Variants in TBC1D5 observed in about 807,000 individuals in gnomAD.
TBC1D5 encodes TBC1 domain family member 5.
In TBC1D5, 75 loss-of-function variants were observed where a neutral mutation model predicts 100.3. The observed-to-expected ratio is 0.75, with a 90% confidence interval of 0.62 to 0.91. The LOEUF (loss-of-function observed/expected upper bound fraction) is 0.91, where lower values mean the gene tolerates loss of function less well. Ranked by LOEUF, TBC1D5 falls within the 40% of genes least tolerant of loss-of-function variation. The pLI is 0.00. For missense variants in TBC1D5, 910 were observed against 942.4 expected (o/e 0.97, Z 0.45); for synonymous variants, 323 against 325.6 (o/e 0.99, Z 0.09).
chr3:17,198,638 A>G (rs2071039197), intron 18 of TBC1D5, among the ~76,000 whole-genome samples: 1 of 152,154 alleles, frequency 6.6e-6, no homozygotes, highest in Admixed American at 6.5e-5. Context: ...ATGTTGGTGA[A>G]TGGATATGGT....
chr3:17,407,930 T>C (rs2093816715), intron 4 of TBC1D5, among the ~76,000 whole-genome samples: 1 of 152,154 alleles, frequency 6.6e-6, no homozygotes, highest in African/African-American at 2.4e-5. Flanking sequence ...TTACTTTAAT[T>C]TGTACTATTA....
intron 21 of TBC1D5, among the ~76,000 whole-genome samples, chr3:17,165,145 C>T (rs1189452184): frequency 2.0e-5 from 3 of 152,176 alleles, no homozygotes; most frequent in Non-Finnish European, 4.4e-5. Context: ...GCAGACACAT[C>T]TCATGGCTAG....
chr3:17,465,867 A>C lies in TBC1D5; in HGVS notation c.98-37348T>G, dbSNP rs114589945. Among the ~76,000 whole-genome samples, 552 of 152,380 alleles carry C rather than the reference A, an allele frequency of 3.6e-3. 2 individuals are homozygous for C. Among genetic ancestry groups the C allele is most frequent in the Non-Finnish European group, 6.0e-3 (407 of 68,040 alleles). ...TTTTTTGGCAGCTATTTTCTAGTTT[A>C]CACAAGGTAAATACCAAACAAAGTC... On this transcript the variant is annotated intron_variant, in intron 3 of 21. Coordinates refer to ENST00000253692, the Ensembl canonical transcript of TBC1D5.
chr3:17,718,149 C>G (rs2075390212), intron 1 of TBC1D5, among the ~76,000 whole-genome samples: 1 of 152,222 alleles, frequency 6.6e-6, no homozygotes, highest in African/African-American at 2.4e-5. Flanking sequence ...ACAGCCAGCA[C>G]CCTATTTATC....
intron 13 of TBC1D5, among the ~76,000 whole-genome samples, chr3:17,367,714 C>A (rs2092238545): frequency 6.6e-6 from 1 of 151,840 alleles, no homozygotes; most frequent in Non-Finnish European, 1.5e-5. Context: ...CAAAAATTAG[C>A]CAGGTGTGGT....
chr3:17,508,461 A>G lies in TBC1D5; in HGVS notation c.97+13T>C. On this transcript the variant is annotated intron_variant, in intron 3 of 21. Transcript: ENST00000253692. ...TACACTACCTACAAATAGTATTGGC[A>G]TACAAAACTCACCTCCAGACTTGTT... is the stretch of plus-strand genomic sequence containing the variant. 3 of 1,604,502 alleles carry G rather than the reference A, an allele frequency of 1.9e-6. No individual in the cohort carries two copies. Among genetic ancestry groups the G allele is most frequent in the Non-Finnish European group, 2.6e-6 (3 of 1,171,988 alleles).
intron 18 of TBC1D5, among the ~76,000 whole-genome samples, chr3:17,196,505 T>C (rs1365975591): frequency 1.3e-5 from 2 of 152,140 alleles, no homozygotes; most frequent in African/African-American, 4.8e-5. Context: ...GGAGGACTAA[T>C]GATAAGGCTG....
chr3:17,593,910 T>C (rs1185494385), intron 2 of TBC1D5, among the ~76,000 whole-genome samples: 2 of 152,146 alleles, frequency 1.3e-5, no homozygotes, highest in African/African-American at 4.8e-5. Flanking sequence ...TATGGTACTG[T>C]TTCTCCCATA....
At chr3:17,716,939 C>T (rs1477290437) in intron 1 of TBC1D5, among the ~76,000 whole-genome samples, 1 of 152,076 alleles carries the variant, frequency 6.6e-6, no homozygotes, top group Non-Finnish European at 1.5e-5. Context: ...AGATTACAGA[C>T]TTTGGAAGAA....
At chr3:17,225,056 T>A (rs1339955473) in intron 17 of TBC1D5, among the ~76,000 whole-genome samples, 1 of 152,204 alleles carries the variant, frequency 6.6e-6, no homozygotes, top group African/African-American at 2.4e-5. Flanking sequence ...CTAGAACATG[T>A]TCCCAAAGGG....
chr3:17,254,766 T>TGGGG (rs139693043), intron 16 of TBC1D5, among the ~76,000 whole-genome samples: 942 of 73,158 alleles, frequency 0.013, 17 homozygotes, highest in Non-Finnish European at 0.015. Context: ...GTGGCGGGGG[T>TGGGG]GGGGGGGGGG....
At chr3:17,428,050 A>G (rs570086200) in intron 4 of TBC1D5, among the ~76,000 whole-genome samples, 3 of 151,992 alleles carry the variant, frequency 2.0e-5, no homozygotes, top group East Asian at 3.9e-4. Context: ...AAGCTCTCTT[A>G]GGCGCTCATG....
intron 3 of TBC1D5, among the ~76,000 whole-genome samples, chr3:17,460,573 A>G (rs890893891): frequency 6.6e-6 from 1 of 152,064 alleles, no homozygotes; most frequent in South Asian, 2.1e-4. Flanking sequence ...CTTTAACATG[A>G]TCATTTCTAT....
At chr3:17,590,532 G>A (rs113583684) in intron 2 of TBC1D5, among the ~76,000 whole-genome samples, 7,753 of 152,182 alleles carry the variant, frequency 0.051, 629 homozygotes, top group African/African-American at 0.17. Context: ...CAACTGGGAG[G>A]GTCCAGAAGA....
At chr3:17,268,819 T>C (rs1479861625) in intron 15 of TBC1D5, among the ~76,000 whole-genome samples, 1 of 152,166 alleles carries the variant, frequency 6.6e-6, no homozygotes, top group African/African-American at 2.4e-5. Flanking sequence ...GGGGGCTTGA[T>C]GCCTTTTTCC....
At chr3:17,225,941 G>A (rs1039626652) in intron 17 of TBC1D5, among the ~76,000 whole-genome samples, 1 of 151,970 alleles carries the variant, frequency 6.6e-6, no homozygotes, top group African/African-American at 2.4e-5. Context: ...ATGTGCATAG[G>A]TTATATGAAA....
In TBC1D5 at chr3:17,685,558, A is replaced by G. The variant is rs541474105; in HGVS notation, c.-101+53785T>C. Among the ~76,000 whole-genome samples the G allele has an allele frequency of 2.6e-5, 4 of 152,232 alleles. No homozygotes were observed. The South Asian group carries it at 6.2e-4, about 24-fold the overall frequency. ...TGATAATTTAAATAAGCAAATGTAC[A>G]TAAGTTAGATCAATCCTTGTTAGAA... On this transcript the variant is annotated intron_variant, in intron 1 of 21. Coordinates refer to ENST00000253692, the Ensembl canonical transcript of TBC1D5.
intron 2 of TBC1D5, chr3:17,575,372 CCATTTAGAAATT>C (rs2096651642): frequency 6.6e-6 from 1 of 151,784 alleles, no homozygotes; most frequent in Non-Finnish European, 1.5e-5. Context: ...AATACCTTTT[CCATTTAGAAATT>C]CAAGCCTCCC....
intron 1 of TBC1D5, among the ~76,000 whole-genome samples, chr3:17,639,055 C>T (rs2064242639): frequency 1.3e-5 from 2 of 152,094 alleles, no homozygotes; most frequent in Admixed American, 6.6e-5. Flanking sequence ...CACACAAAGA[C>T]TTGAGCACAA....
Sources: allele counts gnomAD v4.1 joint callset (sites outside exome capture counted in the v4.1 genomes callset), GRCh38; gene constraint gnomAD v4.1.1; transcripts MANE v1.5; gene names NCBI Gene and HGNC (gene_info 2026-07-23, HGNC 2026-07-21).